The following PHKB variants were observed in gnomAD, a reference collection of about 807,000 sequenced individuals.
PHKB encodes the protein phosphorylase kinase regulatory subunit beta.
A neutral mutation model predicts 152.1 loss-of-function variants in PHKB; 122 were observed. The ratio of observed to expected loss-of-function variants is 0.80; its 90% confidence interval spans 0.69 to 0.93. The LOEUF (loss-of-function observed/expected upper bound fraction) is 0.93, where lower values mean the gene tolerates loss of function less well. Among genes scored for constraint, PHKB ranks in the 40% least tolerant of loss-of-function variants. PHKB has a pLI of 0.00. For missense variants in PHKB, 1,304 were observed against 1,328.4 expected, an observed-to-expected ratio of 0.98 and a Z score of 0.29; for synonymous variants, 436 against 464.9, an observed-to-expected ratio of 0.94 and a Z score of 0.80.
intron 6 of PHKB, among the ~76,000 whole-genome samples, chr16:47,533,882 G>A (rs1970906125): frequency 6.6e-6 from 1 of 152,110 alleles, no homozygotes; most frequent in Non-Finnish European, 1.5e-5. Flanking sequence ...TTGGGCAGCT[G>A]CAGCTGCACC....
chr16:47,600,652 TCC>T (rs1317496535), intron 13 of PHKB, among the ~76,000 whole-genome samples: 1 of 152,234 alleles, frequency 6.6e-6, no homozygotes, highest in Non-Finnish European at 1.5e-5. Context: ...AGCCTATTGC[TCC>T]TAGACTATAA....
intron 16 of PHKB, among the ~76,000 whole-genome samples, chr16:47,642,361 C>A (rs1348221125): frequency 6.6e-6 from 1 of 152,098 alleles, no homozygotes; most frequent in East Asian, 1.9e-4. Context: ...ACATTTGAGG[C>A]CTTTTGCACG....
chr16:47,490,164 T>C (rs1320331271), intron 1 of PHKB, among the ~76,000 whole-genome samples: 1 of 152,188 alleles, frequency 6.6e-6, no homozygotes, highest in East Asian at 1.9e-4. Flanking sequence ...CAGCTCTTCA[T>C]GAGTCCTGTA....
At chr16:47,689,287 A>G in intron 27 of PHKB, 112 bp downstream of exon 27, 1 of 1,039,998 alleles carries the variant, frequency 9.6e-7, no homozygotes, top group Non-Finnish European at 1.5e-6. Flanking sequence ...AAAATTCAAC[A>G]GAGTGTCAGA....
chr16:47,583,819 T>C (rs1971889968), intron 8 of PHKB, among the ~76,000 whole-genome samples: 1 of 152,242 alleles, frequency 6.6e-6, no homozygotes, highest in Non-Finnish European at 1.5e-5. Flanking sequence ...GTGCATTTTC[T>C]TTGAAAACTC....
chr16:47,594,251 A>G (rs775855485), intron 12 of PHKB, 37 bp downstream of exon 12: 3 of 1,013,440 alleles, frequency 3.0e-6, no homozygotes, highest in Non-Finnish European at 1.6e-6. Flanking sequence ...TCCTACCAAC[A>G]TTTCCTGAAT....
Position 47,616,141 on chromosome 16 carries a change from G to C in PHKB, c.1458+5221G>C, listed in dbSNP as rs1469639430. ...GGATTATCATTCCAGTTTCTTCTTG[G>C]TGTCATTTGAAGCACGGAAGTTTCT... On this transcript the variant is annotated intron_variant, in intron 14 of 30. Coordinates refer to ENST00000323584, the MANE Select transcript of PHKB (RefSeq NM_000293.3). 2.0e-5 allele frequency among the ~76,000 whole-genome samples: 3 copies of C among 151,828 alleles called. No homozygotes were observed. The South Asian group carries it at 6.2e-4, about 32-fold the overall frequency.
chr16:47,520,426 C>T (rs1970666449), intron 6 of PHKB, among the ~76,000 whole-genome samples: 1 of 152,056 alleles, frequency 6.6e-6, no homozygotes, highest in African/African-American at 2.4e-5. Flanking sequence ...CAGAGAGCCA[C>T]TAAGTGGCTT....
At chr16:47,488,454 A>G (rs936884640) in intron 1 of PHKB, among the ~76,000 whole-genome samples, 1 of 152,012 alleles carries the variant, frequency 6.6e-6, no homozygotes, top group Non-Finnish European at 1.5e-5. Context: ...TTAGGTTCCA[A>G]TTGTCAATTT....
chr16:47,575,809 G>A (rs1971738711), intron 7 of PHKB, among the ~76,000 whole-genome samples: 1 of 152,192 alleles, frequency 6.6e-6, no homozygotes, highest in Admixed American at 6.5e-5. Context: ...TGATGTGGTG[G>A]CTAATGCCTG....
At chr16:47,515,871 T>G (rs902297838) in intron 6 of PHKB, among the ~76,000 whole-genome samples, 8 of 152,152 alleles carry the variant, frequency 5.3e-5, no homozygotes, top group Non-Finnish European at 1.0e-4. Flanking sequence ...CATGTAACTT[T>G]TAAAAAATTT....
intron 1 of PHKB, among the ~76,000 whole-genome samples, chr16:47,477,912 G>C (rs1314954790): frequency 1.3e-5 from 2 of 152,140 alleles, no homozygotes; most frequent in African/African-American, 2.4e-5. Flanking sequence ...GTGTGTCATA[G>C]TGTGAACTTT....
chr16:47,571,248 C>T (rs1286263908), intron 7 of PHKB, among the ~76,000 whole-genome samples: 1 of 152,148 alleles, frequency 6.6e-6, no homozygotes, highest in African/African-American at 2.4e-5. Context: ...GGGTAGAATA[C>T]TTCAGCCTTT....
At chr16:47,689,204 A>G (rs1240825021) in intron 27 of PHKB, 29 bp downstream of exon 27, 1 of 1,603,714 alleles carries the variant, frequency 6.2e-7, no homozygotes, top group Non-Finnish European at 8.5e-7. Context: ...TACCTACATG[A>G]TACTCTGGAT....
At chr16:47,617,967 G>T (rs1470624398) in intron 14 of PHKB, among the ~76,000 whole-genome samples, 1 of 152,234 alleles carries the variant, frequency 6.6e-6, no homozygotes, top group African/African-American at 2.4e-5. Flanking sequence ...TGCTGACCGT[G>T]ATTCCCTGTG....
chr16:47,514,343 C>T (rs73549309), intron 5 of PHKB, among the ~76,000 whole-genome samples: 10,505 of 152,164 alleles, frequency 0.069, 607 homozygotes, highest in African/African-American at 0.15. Context: ...GCTTAGTCCA[C>T]ATCTGAAAGC....
intron 26 of PHKB, among the ~76,000 whole-genome samples, chr16:47,676,732 A>G (rs1156499954): frequency 6.6e-6 from 1 of 152,192 alleles, no homozygotes; most frequent in Non-Finnish European, 1.5e-5. Context: ...GCTCACAGGA[A>G]TGGTATTCTG....
At chr16:47,502,234 T>G (rs1464214819) in intron 3 of PHKB, among the ~76,000 whole-genome samples, 1 of 152,156 alleles carries the variant, frequency 6.6e-6, no homozygotes, top group African/African-American at 2.4e-5. Context: ...AGTGGGTGAT[T>G]CTCATCCACC....
chr16:47,583,347 C>T (rs879403910), intron 8 of PHKB, among the ~76,000 whole-genome samples: 12 of 152,158 alleles, frequency 7.9e-5, no homozygotes, highest in Non-Finnish European at 8.8e-5. Flanking sequence ...AGTGTTTAAT[C>T]ATTTTATAAT....
Sources: gnomAD v4.1 joint callset for allele counts (sites outside exome capture counted in the v4.1 genomes callset) on GRCh38, gnomAD v4.1.1 for gene constraint, MANE v1.5 for transcripts, NCBI Gene and HGNC (gene_info 2026-07-23, HGNC 2026-07-21) for gene names.